The following CACNA1E variants were observed in gnomAD, a reference collection of about 807,000 sequenced individuals.
The protein encoded by CACNA1E is voltage-dependent R-type calcium channel subunit alpha-1E.
Under a neutral mutation model 259.2 loss-of-function variants are expected in CACNA1E, and 40 were observed. The ratio of observed to expected loss-of-function variants is 0.15; its 90% CI spans 0.12 to 0.20. CACNA1E has a LOEUF of 0.20. Among genes scored for constraint, CACNA1E ranks in the 10% least tolerant of loss-of-function variants. The pLI, the probability that CACNA1E is intolerant of heterozygous loss-of-function variation, is 1.00. For missense variants in CACNA1E, 1,874 were observed against 3,040.1 expected (o/e 0.62, Z 9.02); for synonymous variants, 1,104 against 1,138.5 (o/e 0.97, Z 0.61).
intron 1 of CACNA1E, among the ~76,000 whole-genome samples, chr1:181,358,406 T>C (rs898281380): frequency 1.3e-5 from 2 of 152,232 alleles, no homozygotes; most frequent in African/African-American, 4.8e-5. Context: ...ATGAGATTTG[T>C]ATTGATTTCT....
At chr1:181,482,618 G>T (rs1230131245), upstream of CACNA1E, among the ~76,000 whole-genome samples, 4 of 152,220 alleles carry the variant, frequency 2.6e-5, no homozygotes, top group African/African-American at 9.6e-5. Context: ...GCCTCGCTGC[G>T]CCTCTGCGCG....
intron 2 of CACNA1E, among the ~76,000 whole-genome samples, chr1:181,423,542 A>G (rs912363026): frequency 9.2e-5 from 14 of 151,374 alleles, no homozygotes; most frequent in Admixed American, 7.2e-4. Flanking sequence ...AGGGGTGATC[A>G]CATTCAAACA....
chr1:181,658,584 C>T (rs1659398045), intron 7 of CACNA1E, among the ~76,000 whole-genome samples: 1 of 152,090 alleles, frequency 6.6e-6, no homozygotes, highest in South Asian at 2.1e-4. Flanking sequence ...CTCTTAGGTC[C>T]AGGTGGCATC....
intron 3 of CACNA1E, among the ~76,000 whole-genome samples, chr1:181,571,485 G>A (rs141242818): frequency 2.6e-5 from 4 of 152,336 alleles, no homozygotes; most frequent in Non-Finnish European, 5.9e-5. Context: ...GACATGACAG[G>A]TAAAGTGGAA....
Position 181,756,004 on chromosome 1 carries a change from G to A in CACNA1E, c.4038G>A (p.Arg1346=). 6.2e-7 allele frequency: 1 copy of A among 1,613,938 alleles called. No individual in the cohort carries two copies. Residue 1346 remains arginine (R), a synonymous_variant, in exon 29 of 48, where the codon CGG becomes CGA. Transcript: ENST00000367573. ...HEKNKMEVKG[R]EWKRHEFHYD... ...AAAACAAGATGGAGGTGAAGGGCCG[G>A]GAATGGAAGCGCCATGAATTCCACT...
At chr1:181,769,638 A>G (rs1659328936) in intron 35 of CACNA1E, among the ~76,000 whole-genome samples, 1 of 152,150 alleles carries the variant, frequency 6.6e-6, no homozygotes, top group South Asian at 2.1e-4. Context: ...ACTATTACAC[A>G]CATACTTTGT....
rs534746637 is a variant in CACNA1E at position 181,803,683 on chromosome 1, C to A, written c.*4849C>A. On this transcript the variant is annotated 3_prime_UTR_variant, in exon 48 of 48. Transcript: ENST00000367573. The stretch of plus-strand genomic sequence containing the variant: ...ACATAGCGCTTTAAGGGACAAAGGA[C>A]AAACAGAACTATCTTTGCTTTCCGG... 9 of 152,330 alleles carry A rather than the reference C, an allele frequency of 5.9e-5. No individual in the cohort carries two copies. The highest frequency in any genetic ancestry group is 2.2e-4 in the African/African-American group (9 of 41,556). The allele number at this position is 152,330 out of a possible 1,614,324, so 9.4% of individuals were successfully genotyped here. A position where few individuals can be genotyped will look rare whatever the true frequency, so the allele number is the denominator to read the frequency against.
At chr1:181,590,666 C>T (rs1050747844) in intron 6 of CACNA1E, among the ~76,000 whole-genome samples, 4 of 152,094 alleles carry the variant, frequency 2.6e-5, no homozygotes, top group Admixed American at 2.6e-4. Context: ...CAGTCTTCCT[C>T]ACCCCAGGAG....
intron 25 of CACNA1E, among the ~76,000 whole-genome samples, chr1:181,740,929 C>T (rs1656510827): frequency 6.6e-6 from 1 of 152,180 alleles, no homozygotes; most frequent in South Asian, 2.1e-4. Flanking sequence ...AGAGGGACTT[C>T]CAGCTCCTCT....
In CACNA1E at chr1:181,793,765, C is replaced by T; in HGVS notation, c.5999C>T (p.Ser2000Phe). 2 of 1,611,762 alleles carry T rather than the reference C, an allele frequency of 1.2e-6. No homozygotes were observed. Among genetic ancestry groups the T allele is most frequent in the Non-Finnish European group, 1.7e-6 (2 of 1,179,424 alleles). The change falls in exon 45 of 48, where the codon TCT becomes TTT. Residue 2000 changes from serine to phenylalanine, a missense_variant. Physicochemically the swap from Ser to Phe is radical, Grantham distance 155 (BLOSUM62 -2). Transcript: ENST00000367573. ...QEHAGSGRAS[S>F]MPRLTVDPQV... ...CATGCGGGATCTGGGAGGGCATCTT[C>T]TATGCCACGTCTGACTGTGGATCCC...
At position 181,473,290 on chromosome 1, in the gene CACNA1E, A is replaced by G. The variant is rs115482647; in HGVS notation, c.435-10454A>G. 2.5e-3 allele frequency among the ~76,000 whole-genome samples: 374 copies of G among 152,266 alleles called. 4 individuals carry two copies. Among genetic ancestry groups the G allele is most frequent in the African/African-American group, 8.7e-3 (363 of 41,540 alleles). On this transcript the variant is annotated intron_variant, in intron 2 of 11. Transcript: ENST00000524607. Reference sequence around the variant, plus strand: ...GGAGCTCAGGGTTGGGACATTTTGGATAGACTTAGCCATTCATTGAAAAAC... The same window carrying G: ...GGAGCTCAGGGTTGGGACATTTTGGGTAGACTTAGCCATTCATTGAAAAAC...
At chr1:181,565,790 G>A (rs1040654642) in intron 3 of CACNA1E, among the ~76,000 whole-genome samples, 3 of 152,136 alleles carry the variant, frequency 2.0e-5, no homozygotes, top group Non-Finnish European at 4.4e-5. Context: ...TGGGGGTGTG[G>A]CTCCCACATG....
intron 7 of CACNA1E, among the ~76,000 whole-genome samples, chr1:181,662,215 G>T (rs1233958760): frequency 1.3e-5 from 2 of 152,178 alleles, no homozygotes; most frequent in African/African-American, 4.8e-5. Context: ...TGTGAAAATT[G>T]TATCTTAGGG....
chr1:181,418,530 T>C (rs1374322157), intron 2 of CACNA1E, among the ~76,000 whole-genome samples: 3 of 152,210 alleles, frequency 2.0e-5, no homozygotes, highest in African/African-American at 7.2e-5. Flanking sequence ...TCAGGACCTC[T>C]TCCCTGAATT....
At chr1:181,528,737 A>T (rs1279335111) in intron 3 of CACNA1E, among the ~76,000 whole-genome samples, 2 of 152,084 alleles carry the variant, frequency 1.3e-5, no homozygotes, top group Admixed American at 6.5e-5. Context: ...TGCCCTAGAG[A>T]TTTGTGGAAC....
At chr1:181,774,329 C>CTGA (rs1038762244) in intron 37 of CACNA1E, among the ~76,000 whole-genome samples, 7 of 152,210 alleles carry the variant, frequency 4.6e-5, no homozygotes, top group Admixed American at 3.9e-4. Context: ...AGGGTCCTGC[C>CTGA]TGATAGGTAG....
At chr1:181,673,111 A>G (rs944477444) in intron 7 of CACNA1E, among the ~76,000 whole-genome samples, 7 of 152,222 alleles carry the variant, frequency 4.6e-5, no homozygotes, top group Non-Finnish European at 8.8e-5. Flanking sequence ...ATCCACTGGG[A>G]ACCCTAGAAG....
At chr1:181,394,878 T>C (rs1656548468) in intron 1 of CACNA1E, among the ~76,000 whole-genome samples, 2 of 151,822 alleles carry the variant, frequency 1.3e-5, no homozygotes, top group South Asian at 4.2e-4. Context: ...AAAGAGAGAC[T>C]AGAAGGAGGT....
At chr1:181,457,862 C>T (rs1661559498) in intron 2 of CACNA1E, among the ~76,000 whole-genome samples, 1 of 152,214 alleles carries the variant, frequency 6.6e-6, no homozygotes, top group South Asian at 2.1e-4. Flanking sequence ...TGGTACATTC[C>T]CACTATGGGA....
Sources: allele counts gnomAD v4.1 joint callset (sites outside exome capture counted in the v4.1 genomes callset), GRCh38; gene constraint gnomAD v4.1.1; transcripts MANE v1.5; gene names NCBI Gene and HGNC (gene_info 2026-07-23, HGNC 2026-07-21).